Variants in HIKESHI observed in about 807,000 individuals in gnomAD.
HIKESHI encodes heat shock protein nuclear import factor hikeshi.
A neutral mutation model predicts 25.7 loss-of-function variants in HIKESHI; 13 were observed. The observed-to-expected ratio is 0.51, with a 90% CI of 0.33 to 0.80. HIKESHI has a LOEUF of 0.80. HIKESHI is among the 30% of genes least tolerant of loss of function. The probability of loss-of-function intolerance (pLI) is 0.02; values close to 1 mark genes in which losing one functional copy is unlikely to be tolerated. For synonymous variants in HIKESHI, 76 were observed against 78.7 expected (o/e 0.97, Z 0.18); for missense variants, 174 against 229.5 (o/e 0.76, Z 1.56).
chr11:86,311,583 A>G (rs886432984), intron 2 of HIKESHI, among the ~76,000 whole-genome samples: 59 of 152,012 alleles, frequency 3.9e-4, no homozygotes, highest in Middle Eastern at 6.8e-3. Flanking sequence ...GATCTTAGCT[A>G]TTTCTTGCCT....
intron 2 of HIKESHI, among the ~76,000 whole-genome samples, chr11:86,331,477 A>G (rs187888064): frequency 6.6e-6 from 1 of 152,196 alleles, no homozygotes; most frequent in African/African-American, 2.4e-5. Context: ...CAACAAAGCT[A>G]GACTCTGTCT....
At chr11:86,330,880 C>T (rs934891058) in intron 2 of HIKESHI, among the ~76,000 whole-genome samples, 4 of 152,170 alleles carry the variant, frequency 2.6e-5, no homozygotes, top group South Asian at 2.1e-4. Context: ...AGACAGTCAA[C>T]TGAATATTGG....
At chr11:86,335,805 C>T (rs1947538685) in intron 2 of HIKESHI, among the ~76,000 whole-genome samples, 1 of 152,172 alleles carries the variant, frequency 6.6e-6, no homozygotes, top group Non-Finnish European at 1.5e-5. Context: ...CAACAAACCC[C>T]TAGAAGGTGG....
At chr11:86,340,369 C>T (rs775582396) in intron 3 of HIKESHI, among the ~76,000 whole-genome samples, 1 of 152,208 alleles carries the variant, frequency 6.6e-6, no homozygotes, top group Non-Finnish European at 1.5e-5. Context: ...CGCCAACCAA[C>T]AGTGTAAAAG....
Position 86,338,333 on chromosome 11 carries a change from G to A in HIKESHI, c.420+803G>A, listed in dbSNP as rs116710106. On this transcript the variant is annotated intron_variant, in intron 3 of 4. Transcript: ENST00000278483. ...ATTATCAAGAGGAAAAATTGATGATGTAGGAGAGCAAGGAGAACTGCTAAA... is the reference window on the plus strand; with the variant it reads ...ATTATCAAGAGGAAAAATTGATGATATAGGAGAGCAAGGAGAACTGCTAAA... Among the ~76,000 whole-genome samples the A allele has an allele frequency of 1.9e-3, 287 of 152,294 alleles. 1 individual carries two copies. The highest frequency in any genetic ancestry group is 6.7e-3 in the African/African-American group (280 of 41,554).
intron 3 of HIKESHI, among the ~76,000 whole-genome samples, chr11:86,341,465 G>C (rs1476774914): frequency 6.7e-6 from 1 of 149,738 alleles, no homozygotes; most frequent in Non-Finnish European, 1.5e-5. Context: ...ATTGGTCTCG[G>C]AAACATTCCA....
At chr11:86,328,453 A>T (rs1947340266) in intron 2 of HIKESHI, among the ~76,000 whole-genome samples, 1 of 143,298 alleles carries the variant, frequency 7.0e-6, no homozygotes, top group Non-Finnish European at 1.5e-5. Context: ...TTTTTTTGAG[A>T]CGGAGTCTGG....
intron 1 of HIKESHI, among the ~76,000 whole-genome samples, chr11:86,304,036 C>A (rs1462364492): frequency 6.6e-6 from 1 of 151,360 alleles, no homozygotes; most frequent in Non-Finnish European, 1.5e-5. Flanking sequence ...CTAATACAGG[C>A]CATTTGGTTT....
chr11:86,312,540 A>G (rs1946861493), intron 2 of HIKESHI, among the ~76,000 whole-genome samples: 1 of 152,032 alleles, frequency 6.6e-6, no homozygotes, highest in African/African-American at 2.4e-5. Flanking sequence ...TTTTAATTGG[A>G]GCATTTAGCC....
chr11:86,310,516 A>C (rs1424144713), intron 2 of HIKESHI, among the ~76,000 whole-genome samples: 8 of 152,278 alleles, frequency 5.3e-5, no homozygotes, highest in Non-Finnish European at 1.0e-4. Flanking sequence ...AAACAGGGAC[A>C]ATTTGACTTC....
At chr11:86,334,952 T>C (rs1186650424) in intron 2 of HIKESHI, among the ~76,000 whole-genome samples, 1 of 152,214 alleles carries the variant, frequency 6.6e-6, no homozygotes, top group African/African-American at 2.4e-5. Flanking sequence ...AGAATCAACT[T>C]TTTTGGAACT....
intron 2 of HIKESHI, among the ~76,000 whole-genome samples, chr11:86,326,839 G>A (rs946700484): frequency 2.6e-4 from 40 of 152,326 alleles, no homozygotes; most frequent in African/African-American, 9.4e-4. Flanking sequence ...AAGGTGAGGT[G>A]TTAACGGTAA....
In HIKESHI at chr11:86,306,335, C is replaced by T. The variant is rs1294503196; in HGVS notation, c.121C>T (p.Leu41=). The change falls in exon 2 of 5, where the codon CTG becomes TTG. Residue 41 remains leucine, a synonymous_variant. Coordinates refer to ENST00000278483, the MANE Select transcript of HIKESHI (RefSeq NM_016401.4). ...ESINHVVVFM[L]GTIPFPEGMG... Reference sequence around the variant, plus strand: ...TATCAACCATGTTGTGGTTTTTATGCTGGGAACAATCCCATTTCCTGAGGG... The same window carrying T: ...TATCAACCATGTTGTGGTTTTTATGTTGGGAACAATCCCATTTCCTGAGGG... The T allele has an allele frequency of 1.9e-6, 3 of 1,613,948 alleles. No individual in the cohort carries two copies. Among genetic ancestry groups the T allele is most frequent in the Admixed American group, 1.7e-5 (1 of 60,006 alleles).
chr11:86,330,767 T>G (rs1321243911), intron 2 of HIKESHI, among the ~76,000 whole-genome samples: 2 of 152,214 alleles, frequency 1.3e-5, no homozygotes, highest in East Asian at 3.8e-4. Flanking sequence ...TTGAAATTTT[T>G]TTTCTTAAAA....
At chr11:86,336,946 A>C (rs1036901323) in intron 2 of HIKESHI, among the ~76,000 whole-genome samples, 2 of 152,172 alleles carry the variant, frequency 1.3e-5, no homozygotes, top group Non-Finnish European at 1.5e-5. Flanking sequence ...GAAAGGAAAA[A>C]AAAAAAAGCC....
At chr11:86,328,934 A>G (rs537556002) in intron 2 of HIKESHI, among the ~76,000 whole-genome samples, 4,302 of 147,480 alleles carry the variant, frequency 0.029, 203 homozygotes, top group African/African-American at 0.1. Context: ...GTGTGCGCGC[A>G]CACACACACA....
At chr11:86,342,488 T>TGG (rs1341646872) in intron 3 of HIKESHI, among the ~76,000 whole-genome samples, 1 of 12,754 alleles carries the variant, frequency 7.8e-5, no homozygotes, top group African/African-American at 5.3e-4. Context: ...CGTGTGTGTG[T>TGG]GTGTGTGTGT....
rs551553584 is a variant in HIKESHI, at chr11:86,308,389, AT to A, written c.268+1908del. 3.6e-3 allele frequency among the ~76,000 whole-genome samples: 506 copies of A among 141,656 alleles called. 5 individuals are homozygous for A. The highest frequency in any genetic ancestry group is 0.012 in the African/African-American group (462 of 38,236). The allele number at this position is 141,656 out of a possible 152,430, so 92.9% of individuals were successfully genotyped here. On this transcript the variant is annotated intron_variant, in intron 2 of 4. Transcript: ENST00000278483. ...ATAAAATGTGTATTATATATAAAAA[AT>A]ATATACACACACATACACGTGCTAA...
chr11:86,322,051 C>T (rs946187489), intron 2 of HIKESHI, among the ~76,000 whole-genome samples: 3 of 152,080 alleles, frequency 2.0e-5, no homozygotes, highest in Admixed American at 6.6e-5. Flanking sequence ...GCAGTGGTGC[C>T]ATCCCAGCTC....
Sources: gnomAD v4.1 joint callset for allele counts (sites outside exome capture counted in the v4.1 genomes callset) on GRCh38, gnomAD v4.1.1 for gene constraint, MANE v1.5 for transcripts, NCBI Gene and HGNC (gene_info 2026-07-23, HGNC 2026-07-21) for gene names.